The following JADE2 variants were observed in gnomAD, a reference collection of about 807,000 sequenced individuals.
The protein encoded by JADE2 is jade family PHD finger 2, also known as E3 ubiquitin-protein ligase Jade-2.
In JADE2, 13 loss-of-function variants were observed where a neutral mutation model predicts 85.7. The ratio of observed to expected loss-of-function variants is 0.15; its 90% CI spans 0.10 to 0.24. JADE2 has a LOEUF of 0.24. Ranked by LOEUF, JADE2 falls within the 10% of genes least tolerant of loss-of-function variation. JADE2 has a pLI of 1.00. For synonymous variants in JADE2, 440 were observed against 456.1 expected, an observed-to-expected ratio of 0.96 and a Z score of 0.45; for missense variants, 846 against 1,115.9, an observed-to-expected ratio of 0.76 and a Z score of 3.45.
At chr5:134,564,225 G>A in intron 7 of JADE2, 1 of 320,430 alleles carries the variant, frequency 3.1e-6, no homozygotes, top group Non-Finnish European at 5.9e-6. Context: ...CACACTGACG[G>A]CACACTCACA....
chr5:134,533,289 C>T (rs1288095551), intron 1 of JADE2, among the ~76,000 whole-genome samples: 1 of 152,184 alleles, frequency 6.6e-6, no homozygotes, highest in Non-Finnish European at 1.5e-5. Flanking sequence ...CTTATTTATT[C>T]TCACCAGCTG....
intron 2 of JADE2, 51 bp from the exon 3 acceptor site, chr5:134,537,938 G>C: frequency 7.4e-7 from 1 of 1,355,276 alleles, no homozygotes; most frequent in Non-Finnish European, 1.1e-6. Context: ...GCATGAGTGG[G>C]TGGTGCTCCT....
chr5:134,570,418 T>A (rs570672942), intron 9 of JADE2, among the ~76,000 whole-genome samples: 1 of 152,294 alleles, frequency 6.6e-6, no homozygotes, highest in East Asian at 1.9e-4. Flanking sequence ...TCCACCAATA[T>A]TTGAATCTGT....
Position 134,566,022 on chromosome 5 carries a change from G to T in JADE2, c.970-94G>T. 1 of 1,077,218 alleles carries T rather than the reference G, an allele frequency of 9.3e-7. No individual in the cohort carries two copies. The highest frequency in any genetic ancestry group is 1.4e-6 in the Non-Finnish European group (1 of 727,936). 66.7% of individuals were successfully genotyped at this position (1,077,218 alleles called of 1,614,324 possible). On this transcript the variant is annotated intron_variant, in intron 8 of 11. Coordinates refer to ENST00000681547, the MANE Select transcript of JADE2 (RefSeq NM_001388185.1). The surrounding 1 kb of genome is among the most constrained non-coding windows in gnomAD (Gnocchi z 6.7). The stretch of plus-strand genomic sequence containing the variant: ...CTGTTTAGGTTCTCTCCAGCATTGC[G>T]CATTCTCAGTAGAGCCCTGGGGGAA...
At chr5:134,572,922 T>C (rs1224087862) in intron 9 of JADE2, among the ~76,000 whole-genome samples, 1 of 152,250 alleles carries the variant, frequency 6.6e-6, no homozygotes, top group Non-Finnish European at 1.5e-5. Context: ...CTACCCTCTC[T>C]GCTGAGGAGT....
intron 1 of JADE2, among the ~76,000 whole-genome samples, chr5:134,527,036 A>G (rs1581380089): frequency 6.6e-6 from 1 of 152,134 alleles, no homozygotes; most frequent in Non-Finnish European, 1.5e-5. Context: ...CATGGGTGGT[A>G]CCAGGAAGAT....
chr5:134,581,576 G>A lies in JADE2; in HGVS notation c.*2259G>A, dbSNP rs1347005812. On this transcript the variant is annotated 3_prime_UTR_variant, in exon 12 of 12. Transcript: ENST00000681547. The stretch of plus-strand genomic sequence containing the variant: ...GCAGGGGTGGGTGGAGAATTAGGGA[G>A]AGGGTGCAACGAGTCTGGCCCCTTG... 6.5e-6 allele frequency: 1 copy of A among 152,696 alleles called. No homozygotes were observed. The highest frequency in any genetic ancestry group is 1.5e-5 in the Non-Finnish European group (1 of 68,450). 9.5% of individuals were successfully genotyped at this position (152,696 alleles called of 1,614,324 possible). A position where few individuals can be genotyped will look rare whatever the true frequency, so the allele number is the denominator to read the frequency against.
rs1254084993 is a variant in JADE2, at chr5:134,580,014, A to G, written c.*697A>G. Reference sequence around the variant, plus strand: ...CCAGCGGCTCTGGGAAGGGGTTCCCAGAATCCCTCCTGAGCTGTGCCATTT... The same window carrying G: ...CCAGCGGCTCTGGGAAGGGGTTCCCGGAATCCCTCCTGAGCTGTGCCATTT... On this transcript the variant is annotated 3_prime_UTR_variant, in exon 12 of 12. Coordinates refer to ENST00000681547, the MANE Select transcript of JADE2 (RefSeq NM_001388185.1). 6.6e-6 allele frequency: 1 copy of G among 152,602 alleles called. No individual in the cohort carries two copies. Among genetic ancestry groups the G allele is most frequent in the Non-Finnish European group, 1.5e-5 (1 of 68,090 alleles). The allele number at this position is 152,602 out of a possible 1,614,324, so 9.5% of individuals were successfully genotyped here. A position where few individuals can be genotyped will look rare whatever the true frequency, so the allele number is the denominator to read the frequency against.
intron 4 of JADE2, among the ~76,000 whole-genome samples, chr5:134,552,810 C>T (rs1233305599): frequency 6.6e-6 from 1 of 151,446 alleles, no homozygotes; most frequent in African/African-American, 2.4e-5. Flanking sequence ...GTAGCTAGGA[C>T]TACAGGCTCA....
At chr5:134,568,960 G>A (rs376282519) in intron 9 of JADE2, among the ~76,000 whole-genome samples, 6 of 152,340 alleles carry the variant, frequency 3.9e-5, no homozygotes, top group East Asian at 1.9e-4. Context: ...AGGAATCATC[G>A]GAAGATGGGG....
At chr5:134,561,932 A>G in intron 6 of JADE2, among the ~76,000 whole-genome samples, 1 of 151,680 alleles carries the variant, frequency 6.6e-6, no homozygotes, top group Non-Finnish European at 1.5e-5. Context: ...GGCTAAACTG[A>G]CTCTCCTCCC....
chr5:134,525,400 G>A (rs1005435413), upstream of JADE2, among the ~76,000 whole-genome samples: 8 of 151,866 alleles, frequency 5.3e-5, no homozygotes, highest in African/African-American at 1.2e-4. Context: ...GGCCCAGGGT[G>A]CCAGCAGGCG....
At position 134,525,973 on chromosome 5, in the gene JADE2, C is replaced by T. The variant is rs329118; in HGVS notation, c.-39C>T. ...CGCCGGTCCCTGCAGCGGCGCGTAG[C>T]CGAGGGCAGCGCCCGTCAGGGGGGC... On this transcript the variant is annotated 5_prime_UTR_variant, in exon 1 of 12. Transcript: ENST00000681547. 0.42 allele frequency: 411,677 copies of T among 985,234 alleles called. 86,269 individuals carry two copies. The highest frequency in any genetic ancestry group is 0.51 in the Admixed American group (8,238 of 16,252). 61.0% of individuals were successfully genotyped at this position (985,234 alleles called of 1,614,324 possible).
intron 9 of JADE2, among the ~76,000 whole-genome samples, chr5:134,569,035 T>TA (rs1399770492): frequency 6.6e-6 from 1 of 152,252 alleles, no homozygotes; most frequent in Non-Finnish European, 1.5e-5. Flanking sequence ...CCCAGCTCTA[T>TA]ACCTTCTTTG....
At position 134,562,120 on chromosome 5, in the gene JADE2, C is replaced by G. The variant is rs547774269; in HGVS notation, c.685-80C>G. On this transcript the variant is annotated intron_variant, in intron 6 of 11. Transcript: ENST00000681547. This position sits in a 1 kb window ranked among gnomAD's most constrained non-coding sequence, Gnocchi z 4.6. ...GTAGCAGTGTAGCATGGGGCTGGCA[C>G]TGGACCAAATGCAGCTGACTGCTGA... The G allele has an allele frequency of 2.1e-6, 3 of 1,433,932 alleles. No homozygotes were observed. The highest frequency in any genetic ancestry group is 2.6e-5 in the South Asian group (2 of 77,148). The allele number at this position is 1,433,932 out of a possible 1,614,324, so 88.8% of individuals were successfully genotyped here.
At chr5:134,574,236 T>C in intron 10 of JADE2, 2 of 220,174 alleles carry the variant, frequency 9.1e-6, no homozygotes, top group Non-Finnish European at 1.8e-5. Context: ...ACAGGATTTA[T>C]GCCCTGCATC....
chr5:134,543,683 A>AAAGC (rs1762117249), intron 3 of JADE2, among the ~76,000 whole-genome samples: 1 of 151,936 alleles, frequency 6.6e-6, no homozygotes, highest in Non-Finnish European at 1.5e-5. Context: ...TCTCAAAAAC[A>AAAGC]AAAAAAAGCA....
Position 134,566,653 on chromosome 5 carries a change from C to T in JADE2, c.1434+73C>T. Reference sequence around the variant, plus strand: ...GTCCTTTCCATGCCACACTCACTGCCCTGGAGCAGCTAGGACTCACCAGGA... The same window carrying T: ...GTCCTTTCCATGCCACACTCACTGCTCTGGAGCAGCTAGGACTCACCAGGA... On this transcript the variant is annotated intron_variant, in intron 9 of 11. Transcript: ENST00000681547. The surrounding 1 kb of genome is among the most constrained non-coding windows in gnomAD (Gnocchi z 6.7). The T allele has an allele frequency of 8.8e-7, 1 of 1,142,850 alleles. No homozygotes were observed. The highest frequency in any genetic ancestry group is 1.2e-6 in the Non-Finnish European group (1 of 814,632). 70.8% of individuals were successfully genotyped at this position (1,142,850 alleles called of 1,614,324 possible).
chr5:134,550,642 A>T (rs2149929630), intron 3 of JADE2, among the ~76,000 whole-genome samples: 2 of 152,332 alleles, frequency 1.3e-5, no homozygotes, highest in South Asian at 4.1e-4. Context: ...AGCAAGTCAC[A>T]TGGTGTCTAG....
Sources: allele counts gnomAD v4.1 joint callset (sites outside exome capture counted in the v4.1 genomes callset), GRCh38; gene constraint gnomAD v4.1.1; non-coding constraint Gnocchi (gnomAD v3.1); transcripts MANE v1.5; gene names NCBI Gene and HGNC (gene_info 2026-07-23, HGNC 2026-07-21).